The following KIAA1671 variants were observed in gnomAD, a reference collection of about 807,000 sequenced individuals.
KIAA1671 encodes KIAA1671.
KIAA1671 carries 52 observed loss-of-function variants against 131.2 expected under a neutral mutation model. That is an observed-to-expected ratio of 0.40 (90% confidence interval 0.32 to 0.50). KIAA1671 has a LOEUF of 0.50. Ranked by LOEUF, KIAA1671 falls within the 20% of genes least tolerant of loss-of-function variation. The pLI, the probability that KIAA1671 is intolerant of heterozygous loss-of-function variation, is 0.73. For synonymous variants in KIAA1671, 1,003 were observed against 961.6 expected (o/e 1.04, Z -0.80); for missense variants, 2,360 against 2,364.2 (o/e 1.00, Z 0.04).
At chr22:25,116,970 A>T (rs1040914601) in intron 6 of KIAA1671, among the ~76,000 whole-genome samples, 1 of 152,202 alleles carries the variant, frequency 6.6e-6, no homozygotes, top group Non-Finnish European at 1.5e-5. Context: ...CTAATGATAT[A>T]TTGGGCTACA....
chr22:25,067,858 G>A (rs528875317), intron 6 of KIAA1671, among the ~76,000 whole-genome samples: 2 of 152,378 alleles, frequency 1.3e-5, no homozygotes, highest in African/African-American at 2.4e-5. Flanking sequence ...TAGGGCAGCC[G>A]CGAGCGCTGC....
intron 4 of KIAA1671, among the ~76,000 whole-genome samples, chr22:25,037,662 G>A (rs1451951691): frequency 1.3e-5 from 2 of 151,758 alleles, no homozygotes; most frequent in Non-Finnish European, 2.9e-5. Flanking sequence ...CCCATTCCCA[G>A]GCATCCAGTA....
intron 1 of KIAA1671, chr22:25,011,213 G>A (rs933495476): frequency 6.6e-6 from 1 of 151,350 alleles, no homozygotes; most frequent in Admixed American, 6.6e-5. Context: ...GCACGATCTC[G>A]GCTCACTGAG....
intron 1 of KIAA1671, among the ~76,000 whole-genome samples, chr22:24,993,904 C>A (rs1288147861): frequency 1.3e-5 from 2 of 152,018 alleles, no homozygotes; most frequent in Non-Finnish European, 2.9e-5. Context: ...CATGGTGAAA[C>A]CCTGTCTCTG....
intron 6 of KIAA1671, among the ~76,000 whole-genome samples, chr22:25,162,083 TCTC>T (rs1262703332): frequency 2.6e-5 from 4 of 152,188 alleles, no homozygotes; most frequent in Admixed American, 6.5e-5. Context: ...TGGGCCTCAG[TCTC>T]CTCCTCTGTG....
intron 1 of KIAA1671, among the ~76,000 whole-genome samples, chr22:24,990,390 C>T (rs1435066900): frequency 6.6e-6 from 1 of 152,224 alleles, no homozygotes; most frequent in East Asian, 1.9e-4. Flanking sequence ...CTTGCCTGGC[C>T]TGTTTACTGT....
chr22:24,959,148 G>A (rs1294436428), intron 1 of KIAA1671, among the ~76,000 whole-genome samples: 6 of 151,766 alleles, frequency 4.0e-5, no homozygotes, highest in Non-Finnish European at 8.8e-5. Flanking sequence ...GAGACAGAGT[G>A]AGTCCTTGTC....
intron 6 of KIAA1671, among the ~76,000 whole-genome samples, chr22:25,081,484 G>A (rs1929401724): frequency 6.6e-6 from 1 of 152,208 alleles, no homozygotes; most frequent in South Asian, 2.1e-4. Flanking sequence ...AGTAGGTGCT[G>A]TCTTTCCACA....
rs1206585822 is a variant in KIAA1671 at position 25,040,892 on chromosome 22, C to T, written c.3762C>T (p.Pro1254=). 6.6e-6 allele frequency: 10 copies of T among 1,523,956 alleles called. No individual in the cohort carries two copies. Among genetic ancestry groups the T allele is most frequent in the South Asian group, 5.0e-5 (4 of 80,308 alleles). The allele number at this position is 1,523,956 out of a possible 1,614,324, so 94.4% of individuals were successfully genotyped here. ...GAAGGAGGAGCCTGAAGGAGATGCC[C>T]GATACCGGGGGTCTCTGGAAACCGG... The part of the protein sequence containing the change: ...EQRRRSLKEM[P]DTGGLWKPAS... Residue 1254 remains proline, a synonymous_variant, in exon 5 of 13, where the codon CCC becomes CCT. Coordinates refer to ENST00000358431, the MANE Select transcript of KIAA1671 (RefSeq NM_001145206.2).
intron 6 of KIAA1671, among the ~76,000 whole-genome samples, chr22:25,120,649 C>T (rs1931887991): frequency 6.6e-6 from 1 of 152,184 alleles, no homozygotes; most frequent in Admixed American, 6.5e-5. Context: ...CAAAGCCCAC[C>T]CATTCTCCTA....
At chr22:25,173,631 G>T (rs1933924028) in intron 7 of KIAA1671, among the ~76,000 whole-genome samples, 1 of 152,052 alleles carries the variant, frequency 6.6e-6, no homozygotes, top group Admixed American at 6.6e-5. Flanking sequence ...AAATAAAAAA[G>T]AATTATAATG....
rs1934070767 is a variant in KIAA1671 at position 25,177,383 on chromosome 22, C to A, written c.4935C>A (p.Thr1645=). The A allele has an allele frequency of 1.3e-6, 2 of 1,551,668 alleles. No homozygotes were observed. Among genetic ancestry groups the A allele is most frequent in the East Asian group, 4.9e-5 (2 of 40,936 alleles). Reference sequence around the variant, plus strand: ...TCCTCGACTCAAGTGCCCTCAAGACCCGGGTGCAGCTCAGCAAGAGAAGCC... The same window carrying A: ...TCCTCGACTCAAGTGCCCTCAAGACACGGGTGCAGCTCAGCAAGAGAAGCC... ...TSVLDSSALK[T]RVQLSKRSRR... The change falls in exon 9 of 13, where the codon ACC becomes ACA. Residue 1645 remains threonine, a synonymous_variant. Coordinates refer to ENST00000358431, the MANE Select transcript of KIAA1671 (RefSeq NM_001145206.2).
intron 6 of KIAA1671, among the ~76,000 whole-genome samples, chr22:25,121,641 T>A (rs1286433124): frequency 9.9e-5 from 15 of 152,178 alleles, no homozygotes; most frequent in African/African-American, 3.6e-4. Flanking sequence ...CCATAGCCAA[T>A]TGTAAGCTTC....
chr22:25,172,501 G>C (rs1933884022), intron 7 of KIAA1671, among the ~76,000 whole-genome samples: 1 of 152,186 alleles, frequency 6.6e-6, no homozygotes, highest in South Asian at 2.1e-4. Flanking sequence ...CTGACAGAAA[G>C]CACGATGAAA....
At chr22:25,085,682 C>T (rs1343410447) in intron 6 of KIAA1671, among the ~76,000 whole-genome samples, 1 of 150,564 alleles carries the variant, frequency 6.6e-6, no homozygotes, top group Non-Finnish European at 1.5e-5. Flanking sequence ...AGATCCAGGC[C>T]TGGGATTCAT....
intron 6 of KIAA1671, among the ~76,000 whole-genome samples, chr22:25,116,366 C>T: frequency 6.6e-6 from 1 of 151,456 alleles, no homozygotes; most frequent in Non-Finnish European, 1.5e-5. Flanking sequence ...AGCCACTGTA[C>T]CCCACCCCCT....
In KIAA1671 at chr22:25,039,623, C is replaced by T; in HGVS notation, c.2493C>T (p.His831=). 6.5e-7 allele frequency: 1 copy of T among 1,549,824 alleles called. No homozygotes were observed. The highest frequency in any genetic ancestry group is 8.7e-7 in the Non-Finnish European group (1 of 1,145,602). ...CAGGCGGGGCAGTGGTGAGCTCGCACAAAGCCACCGTGGCAGTCAGCGAAG... is the reference window on the plus strand; with the variant it reads ...CAGGCGGGGCAGTGGTGAGCTCGCATAAAGCCACCGTGGCAGTCAGCGAAG... The part of the protein sequence containing the change: ...KWTGGAVVSS[H]KATVAVSEEH... The change falls in exon 5 of 13, where the codon CAC becomes CAT. Residue 831 remains histidine, a synonymous_variant. Transcript: ENST00000358431.
chr22:24,961,778 A>G (rs1922031542), intron 1 of KIAA1671, among the ~76,000 whole-genome samples: 1 of 152,256 alleles, frequency 6.6e-6, no homozygotes, highest in Non-Finnish European at 1.5e-5. Context: ...CTGAGCAATA[A>G]TAGAACCTGC....
At chr22:25,097,174 CTTG>C (rs1226161957) in intron 6 of KIAA1671, among the ~76,000 whole-genome samples, 4 of 152,170 alleles carry the variant, frequency 2.6e-5, no homozygotes, top group Admixed American at 2.6e-4. Context: ...GTATGATAAA[CTTG>C]TTAAGAAACT....
Sources: gnomAD v4.1 joint callset for allele counts (sites outside exome capture counted in the v4.1 genomes callset) on GRCh38, gnomAD v4.1.1 for gene constraint, MANE v1.5 for transcripts, NCBI Gene and HGNC (gene_info 2026-07-23, HGNC 2026-07-21) for gene names.